Variants in TENM3 observed in about 807,000 individuals in gnomAD.
The protein encoded by TENM3 is teneurin transmembrane protein 3.
A neutral mutation model predicts 255.1 loss-of-function variants in TENM3; 63 were observed. The observed-to-expected ratio is 0.25, with a 90% CI of 0.20 to 0.30. TENM3 has a LOEUF of 0.30. Ranked by LOEUF, TENM3 falls within the 10% of genes least tolerant of loss-of-function variation. The pLI, the probability that TENM3 is intolerant of heterozygous loss-of-function variation, is 1.00. For synonymous variants in TENM3, 1,306 were observed against 1,322.3 expected, an observed-to-expected ratio of 0.99 and a Z score of 0.27; for missense variants, 2,929 against 3,461.1, an observed-to-expected ratio of 0.85 and a Z score of 3.86.
At chr4:182,124,450 G>C in the TENM3 span, among the ~76,000 whole-genome samples, 1 of 152,158 alleles carries the variant, frequency 6.6e-6, no homozygotes, top group South Asian at 2.1e-4. Context: ...AACTGGAAAT[G>C]TAAGTATAGG....
At chr4:181,451,347 G>A in the TENM3 span, among the ~76,000 whole-genome samples, 1 of 152,120 alleles carries the variant, frequency 6.6e-6, no homozygotes, top group Non-Finnish European at 1.5e-5. Flanking sequence ...AATGCATGAA[G>A]GACAGGTCAC....
the TENM3 span, among the ~76,000 whole-genome samples, chr4:181,622,163 A>T: frequency 1.3e-5 from 2 of 152,128 alleles, no homozygotes; most frequent in African/African-American, 4.8e-5. Flanking sequence ...GAGATGTCCT[A>T]CATGGTCAAC....
chr4:182,157,780 C>T (rs1321607483), intron 1 of TENM3, among the ~76,000 whole-genome samples: 1 of 152,106 alleles, frequency 6.6e-6, no homozygotes, highest in East Asian at 1.9e-4. Context: ...AAGGGCGTTC[C>T]AGGAGAGGGA....
chr4:181,742,470 T>C, the TENM3 span, among the ~76,000 whole-genome samples: 2 of 152,132 alleles, frequency 1.3e-5, no homozygotes, highest in Non-Finnish European at 2.9e-5. Context: ...GCTAGGATTG[T>C]AATATTAAGC....
the TENM3 span, among the ~76,000 whole-genome samples, chr4:181,966,171 TATC>T: frequency 6.6e-6 from 1 of 152,128 alleles, no homozygotes; most frequent in South Asian, 2.1e-4. Flanking sequence ...CCTCATGAAG[TATC>T]ATGGCACACA....
intron 1 of TENM3, among the ~76,000 whole-genome samples, chr4:182,310,742 T>C (rs889120502): frequency 6.6e-6 from 1 of 152,068 alleles, no homozygotes; most frequent in African/African-American, 2.4e-5. Context: ...AGTCTCACTC[T>C]GTTGACCAGG....
intron 1 of TENM3, among the ~76,000 whole-genome samples, chr4:182,264,519 A>T (rs185853755): frequency 1.4e-4 from 21 of 152,226 alleles, no homozygotes; most frequent in Middle Eastern, 3.4e-3. Flanking sequence ...AAAATTAACT[A>T]CTCTAGACTC....
chr4:182,273,465 C>T (rs1220931771), intron 1 of TENM3, among the ~76,000 whole-genome samples: 3 of 152,154 alleles, frequency 2.0e-5, no homozygotes, highest in Non-Finnish European at 4.4e-5. Flanking sequence ...CTGATTAGGG[C>T]GAGCTATTCT....
At chr4:182,788,958 C>T (rs2152824756) in intron 24 of TENM3, 135 bp from the exon 25 acceptor site, 1 of 742,088 alleles carries the variant, frequency 1.3e-6, no homozygotes, top group East Asian at 2.7e-5. Flanking sequence ...CTGCCTTGCA[C>T]TTGTACCCAA....
the TENM3 span, among the ~76,000 whole-genome samples, chr4:181,641,560 A>G: frequency 9.7e-4 from 43 of 44,476 alleles, no homozygotes; most frequent in Non-Finnish European, 1.2e-3. Flanking sequence ...GTGTGTATAT[A>G]TATATATATA....
chr4:182,140,772 G>C (rs1749341974), upstream of TENM3, among the ~76,000 whole-genome samples: 1 of 152,134 alleles, frequency 6.6e-6, no homozygotes, highest in African/African-American at 2.4e-5. Context: ...AGGAGAAAAC[G>C]GACAGACCCC....
chr4:182,392,734 A>G (rs1175476868), intron 3 of TENM3, among the ~76,000 whole-genome samples: 1 of 152,176 alleles, frequency 6.6e-6, no homozygotes, highest in Non-Finnish European at 1.5e-5. Flanking sequence ...GAGGCAGGCT[A>G]AAGAGAGGGC....
intron 3 of TENM3, among the ~76,000 whole-genome samples, chr4:182,443,524 T>C (rs1306790159): frequency 6.6e-6 from 1 of 152,198 alleles, no homozygotes; most frequent in Non-Finnish European, 1.5e-5. Flanking sequence ...CCCAGCTAAC[T>C]CTTGCTGGCC....
At chr4:181,716,637 T>A in the TENM3 span, among the ~76,000 whole-genome samples, 1 of 152,106 alleles carries the variant, frequency 6.6e-6, no homozygotes, top group Non-Finnish European at 1.5e-5. Context: ...AAAATCAGAG[T>A]CATAAAAATA....
chr4:182,316,417 G>A (rs897801385), intron 1 of TENM3, among the ~76,000 whole-genome samples: 11 of 151,888 alleles, frequency 7.2e-5, no homozygotes, highest in Non-Finnish European at 1.2e-4. Context: ...CCTTGTGTGA[G>A]CCCTGTATAC....
At chr4:182,017,329 G>T in the TENM3 span, among the ~76,000 whole-genome samples, 4 of 152,190 alleles carry the variant, frequency 2.6e-5, no homozygotes, top group South Asian at 8.3e-4. Context: ...TGAGAGGCTT[G>T]TTTTTTTTCA....
At chr4:182,066,149 CCAA>C in the TENM3 span, among the ~76,000 whole-genome samples, 1 of 152,198 alleles carries the variant, frequency 6.6e-6, no homozygotes, top group Non-Finnish European at 1.5e-5. Flanking sequence ...TACGTCCACA[CCAA>C]CACTTTTTCC....
chr4:182,163,981 A>G (rs72693865), intron 1 of TENM3, among the ~76,000 whole-genome samples: 9,991 of 152,210 alleles, frequency 0.066, 455 homozygotes, highest in Non-Finnish European at 0.094. Context: ...CAGGCAGTTC[A>G]CAAATATTCC....
the TENM3 span, among the ~76,000 whole-genome samples, chr4:181,769,540 AT>A: frequency 2.0e-5 from 3 of 152,336 alleles, 1 homozygote; most frequent in Admixed American, 2.0e-4. Context: ...CTTATTTGTA[AT>A]TATTATTAAA....
Sources: gnomAD v4.1 joint callset for allele counts (sites outside exome capture counted in the v4.1 genomes callset) on GRCh38, gnomAD v4.1.1 for gene constraint, MANE v1.5 for transcripts, NCBI Gene and HGNC (gene_info 2026-07-23, HGNC 2026-07-21) for gene names.